ARID1A: variants seen among roughly 807,000 people sequenced by gnomAD.
The protein encoded by ARID1A is AT-rich interaction domain 1A.
Under a neutral mutation model 212.6 loss-of-function variants are expected in ARID1A, and 20 were observed. The observed-to-expected ratio is 0.09, with a 90% confidence interval of 0.07 to 0.14. The LOEUF is 0.14. ARID1A is among the 10% of genes least tolerant of loss of function. ARID1A has a pLI of 1.00. For missense variants in ARID1A, 2,587 were observed against 3,059.0 expected (o/e 0.85, Z 3.64); for synonymous variants, 1,376 against 1,222.1 (o/e 1.13, Z -2.63).
At chr1:26,768,739 G>A (rs2081059437) in intron 11 of ARID1A, among the ~76,000 whole-genome samples, 1 of 152,196 alleles carries the variant, frequency 6.6e-6, no homozygotes, top group Non-Finnish European at 1.5e-5. Context: ...CAATTTTGTA[G>A]ACTCAGCCCA....
intron 1 of ARID1A, among the ~76,000 whole-genome samples, chr1:26,699,136 G>A (rs776896755): frequency 2.0e-5 from 3 of 152,070 alleles, no homozygotes; most frequent in Non-Finnish European, 4.4e-5. Context: ...AATAGAGACT[G>A]GCCAGTTTAT....
At chr1:26,762,407 T>C in intron 7 of ARID1A, 88 bp downstream of exon 7, 1 of 1,444,808 alleles carries the variant, frequency 6.9e-7, no homozygotes, top group Non-Finnish European at 9.3e-7. Context: ...CTTGTAACCT[T>C]GTGAGAGAAG....
chr1:26,746,744 AGCTGGGTGTGG>A (rs2080838627), intron 4 of ARID1A, among the ~76,000 whole-genome samples: 1 of 152,040 alleles, frequency 6.6e-6, no homozygotes, highest in Non-Finnish European at 1.5e-5. Flanking sequence ...ACAAAAAATT[AGCTGGGTGTGG>A]GCTGGGTGCG....
chr1:26,757,405 A>G (rs1164831805), intron 4 of ARID1A, among the ~76,000 whole-genome samples: 1 of 147,886 alleles, frequency 6.8e-6, no homozygotes, highest in Non-Finnish European at 1.5e-5. Context: ...AGGAGGCGGA[A>G]GTCACAGTGA....
At position 26,771,454 on chromosome 1, in the gene ARID1A, A is replaced by C; in HGVS notation, c.3406+128A>C. On this transcript the variant is annotated intron_variant, in intron 12 of 19. Transcript: ENST00000324856. The surrounding 1 kb of genome is among the most constrained non-coding windows in gnomAD (Gnocchi z 5.4). ...GATCTGTGCTCTGCCTTGCCCTACC[A>C]CAGGGCTTAACAGGTTGGCTGACTA... The C allele has an allele frequency of 2.1e-6, 2 of 973,648 alleles. No homozygotes were observed. The highest frequency in any genetic ancestry group is 3.0e-6 in the Non-Finnish European group (2 of 663,020). 60.3% of individuals were successfully genotyped at this position (973,648 alleles called of 1,614,324 possible).
Position 26,775,554 on chromosome 1 carries a change from G to A in ARID1A, c.4994-23G>A, listed in dbSNP as rs754356847. ...CCAGCCAACCTGGGCTTGGTGGATAGACGACATGGAGGTTTATTTCAGGAA... is the reference window on the plus strand; with the variant it reads ...CCAGCCAACCTGGGCTTGGTGGATAAACGACATGGAGGTTTATTTCAGGAA... On this transcript the variant is annotated intron_variant, in intron 18 of 19. Coordinates refer to ENST00000324856, the MANE Select transcript of ARID1A (RefSeq NM_006015.6). 19 of 1,613,282 alleles carry A rather than the reference G, an allele frequency of 1.2e-5. No individual in the cohort carries two copies. The East Asian group carries it at 4.2e-4, about 36-fold the overall frequency.
chr1:26,771,373 C>T lies in ARID1A; in HGVS notation c.3406+47C>T, dbSNP rs2124099160. 6.4e-7 allele frequency: 1 copy of T among 1,569,980 alleles called. No individual in the cohort carries two copies. The highest frequency in any genetic ancestry group is 8.8e-7 in the Non-Finnish European group (1 of 1,142,248). ...CCACCAAGGCTGAGAGGGCCTGTTG[C>T]CCTGGCCTCTTATTCAGGATATGAA... On this transcript the variant is annotated intron_variant, in intron 12 of 19. Coordinates refer to ENST00000324856, the MANE Select transcript of ARID1A (RefSeq NM_006015.6). This position sits in a 1 kb window ranked among gnomAD's most constrained non-coding sequence, Gnocchi z 5.4.
Position 26,708,266 on chromosome 1 carries a change from C to CTTTTTTTTTTTTTTTTT in ARID1A, c.1137+10746_1137+10762dup, listed in dbSNP as rs397860721. ...TCAGCCTTTAAGATACAGTCCTTCA[C>CTTTTTTTTTTTTTTTTT]TTTTTTTTTTTTTTTTTTTTTTTTT... On this transcript the variant is annotated intron_variant, in intron 1 of 19. Transcript: ENST00000324856. Among the ~76,000 whole-genome samples, 11 of 23,754 alleles carry CTTTTTTTTTTTTTTTTT rather than the reference C, an allele frequency of 4.6e-4. 4 individuals carry two copies. Among genetic ancestry groups the CTTTTTTTTTTTTTTTTT allele is most frequent in the African/African-American group, 8.3e-4 (5 of 6,012 alleles). The allele number at this position is 23,754 out of a possible 152,430, so 15.6% of individuals were successfully genotyped here.
At chr1:26,740,770 A>G (rs1391932529) in intron 4 of ARID1A, among the ~76,000 whole-genome samples, 1 of 152,210 alleles carries the variant, frequency 6.6e-6, no homozygotes, top group Non-Finnish European at 1.5e-5. Context: ...CCGTAGAACT[A>G]CTTCTGGCAA....
chr1:26,698,030 G>T (rs1224710275), intron 1 of ARID1A, among the ~76,000 whole-genome samples: 1 of 152,202 alleles, frequency 6.6e-6, no homozygotes, highest in Non-Finnish European at 1.5e-5. Context: ...GGACCTCGAG[G>T]GGAGGGCAGG....
At chr1:26,725,786 C>T (rs1295780194) in intron 1 of ARID1A, among the ~76,000 whole-genome samples, 4 of 151,676 alleles carry the variant, frequency 2.6e-5, no homozygotes, top group South Asian at 2.1e-4. Flanking sequence ...TTGTCCTTAG[C>T]CTTTTGTTTT....
At chr1:26,729,323 A>G in intron 1 of ARID1A, 1 of 341,104 alleles carries the variant, frequency 2.9e-6, no homozygotes, top group Non-Finnish European at 5.6e-6. Flanking sequence ...ATGGCAGTGC[A>G]TAGCAGCACC....
In ARID1A at chr1:26,756,473, T is replaced by C. The variant is rs549731255; in HGVS notation, c.1921-4383T>C. On this transcript the variant is annotated intron_variant, in intron 4 of 19. Coordinates refer to ENST00000324856, the MANE Select transcript of ARID1A (RefSeq NM_006015.6). ...CAGGAGGCTGAGGCAGGAGAATTAC[T>C]TGAACCAAGGAGGTGGAAGTTGCAG... is the stretch of plus-strand genomic sequence containing the variant. 7.9e-5 allele frequency among the ~76,000 whole-genome samples: 12 copies of C among 151,850 alleles called. No individual in the cohort carries two copies. The South Asian group carries it at 2.5e-3, about 32-fold the overall frequency.
chr1:26,751,020 C>T (rs1422396377), intron 4 of ARID1A, among the ~76,000 whole-genome samples: 3 of 151,704 alleles, frequency 2.0e-5, no homozygotes, highest in African/African-American at 4.8e-5. Context: ...TTTGGGAGGC[C>T]GAGGCGGGTG....
intron 4 of ARID1A, among the ~76,000 whole-genome samples, chr1:26,756,385 G>A (rs533470310): frequency 1.0e-3 from 153 of 151,878 alleles, no homozygotes; most frequent in African/African-American, 3.1e-3. Context: ...TTGAAACCCC[G>A]TCTCTACTAA....
intron 3 of ARID1A, among the ~76,000 whole-genome samples, chr1:26,732,324 G>A (rs2080686677): frequency 6.6e-6 from 1 of 152,154 alleles, no homozygotes; most frequent in Admixed American, 6.5e-5. Context: ...TGATGTCTTT[G>A]AATGAAGCAG....
intron 1 of ARID1A, among the ~76,000 whole-genome samples, chr1:26,715,016 G>A (rs1178393116): frequency 6.6e-6 from 1 of 152,264 alleles, no homozygotes; most frequent in East Asian, 1.9e-4. Flanking sequence ...CTTCTTTGGC[G>A]GGATATAGAA....
chr1:26,773,598 G>A lies in ARID1A; in HGVS notation c.3885G>A (p.Gly1295=), dbSNP rs750275733. The A allele has an allele frequency of 1.2e-6, 2 of 1,614,186 alleles. No homozygotes were observed. The highest frequency in any genetic ancestry group is 1.1e-5 in the South Asian group (1 of 91,086). Reference sequence around the variant, plus strand: ...TGTTTAGGACGGAGCCTGGAATAGGGCCTGAGGGAAACATGAGCACTGGGG... The same window carrying A: ...TGTTTAGGACGGAGCCTGGAATAGGACCTGAGGGAAACATGAGCACTGGGG... ...YDRVRTEPGI[G]PEGNMSTGAP... The change falls in exon 16 of 20, where the codon GGG becomes GGA. Residue 1295 remains glycine (G), a synonymous_variant. Transcript: ENST00000324856.
At chr1:26,719,487 C>A (rs993268211) in intron 1 of ARID1A, among the ~76,000 whole-genome samples, 1 of 152,150 alleles carries the variant, frequency 6.6e-6, no homozygotes, top group Non-Finnish European at 1.5e-5. Flanking sequence ...GATGGATTTG[C>A]ACTATAACAG....
Sources: allele counts gnomAD v4.1 joint callset (sites outside exome capture counted in the v4.1 genomes callset), GRCh38; gene constraint gnomAD v4.1.1; non-coding constraint Gnocchi (gnomAD v3.1); transcripts MANE v1.5; gene names NCBI Gene and HGNC (gene_info 2026-07-23, HGNC 2026-07-21).